Variants in PCDH15 observed in about 807,000 individuals in gnomAD.
PCDH15 encodes protocadherin-15.
PCDH15 carries 129 observed loss-of-function variants against 178.5 expected under a neutral mutation model. The ratio of observed to expected loss-of-function variants is 0.72; its 90% CI spans 0.63 to 0.84. PCDH15 has a LOEUF of 0.84. Ranked by LOEUF, PCDH15 falls within the 40% of genes least tolerant of loss-of-function variation. The probability of loss-of-function intolerance (pLI) is 0.00; values close to 1 mark genes in which losing one functional copy is unlikely to be tolerated. For missense variants in PCDH15, 2,230 were observed against 2,099.9 expected (o/e 1.06, Z -1.21); for synonymous variants, 800 against 732.0 (o/e 1.09, Z -1.50).
chr10:54,747,962 C>A (rs1945687508), intron 1 of PCDH15, among the ~76,000 whole-genome samples: 1 of 152,050 alleles, frequency 6.6e-6, no homozygotes, highest in African/African-American at 2.4e-5. Context: ...CCCGCCACCA[C>A]GCCCGGCTAA....
intron 1 of PCDH15, among the ~76,000 whole-genome samples, chr10:55,305,928 A>G (rs1843411464): frequency 6.6e-6 from 1 of 152,208 alleles, no homozygotes; most frequent in African/African-American, 2.4e-5. Context: ...ATTCTATTTA[A>G]TGAATAATTT....
intron 3 of PCDH15, among the ~76,000 whole-genome samples, chr10:54,896,101 G>A (rs905735813): frequency 2.0e-5 from 3 of 152,004 alleles, no homozygotes; most frequent in African/African-American, 7.2e-5. Flanking sequence ...TGGCCAGGCT[G>A]GTCTCGAACT....
chr10:54,328,049 T>C (rs1218209756), intron 7 of PCDH15, among the ~76,000 whole-genome samples: 1 of 152,016 alleles, frequency 6.6e-6, no homozygotes, highest in East Asian at 1.9e-4. Flanking sequence ...AATGGACAAA[T>C]GTATAATGAT....
At chr10:54,205,539 CTG>C (rs1162365748) in intron 10 of PCDH15, among the ~76,000 whole-genome samples, 6 of 104,952 alleles carry the variant, frequency 5.7e-5, no homozygotes, top group African/African-American at 2.0e-4. Context: ...GGAGGGATGA[CTG>C]TGAATAACCT....
intron 2 of PCDH15, among the ~76,000 whole-genome samples, chr10:55,364,437 A>G (rs1384023069): frequency 6.6e-6 from 1 of 152,144 alleles, no homozygotes; most frequent in Non-Finnish European, 1.5e-5. Context: ...TGAGAAATGT[A>G]CAGTCATTGA....
At chr10:54,004,428 A>AC (rs1417260408) in intron 20 of PCDH15, among the ~76,000 whole-genome samples, 3 of 115,592 alleles carry the variant, frequency 2.6e-5, no homozygotes, top group Non-Finnish European at 5.2e-5. Flanking sequence ...CACACACACC[A>AC]CACAAAGTAT....
In PCDH15 at chr10:54,730,963, A is replaced by C. The variant is rs539044480; in HGVS notation, c.-28-66673T>G. ...GCACAGAAAAGAAAACAATCTAGAA[A>C]GTAAAGAGACAGCCAGAGAATGGAA... On this transcript the variant is annotated intron_variant, in intron 1 of 37. Coordinates refer to ENST00000644397, the MANE Select transcript of PCDH15 (RefSeq NM_001384140.1). 4.6e-5 allele frequency among the ~76,000 whole-genome samples: 7 copies of C among 151,642 alleles called. 1 individual carries two copies. Among genetic ancestry groups the C allele is most frequent in the African/African-American group, 1.7e-4 (7 of 41,500 alleles).
chr10:54,257,346 T>C (rs2056982771), intron 8 of PCDH15, among the ~76,000 whole-genome samples: 1 of 151,816 alleles, frequency 6.6e-6, no homozygotes, highest in Non-Finnish European at 1.5e-5. Context: ...CAGTTTAACA[T>C]ATATTTTATT....
intron 2 of PCDH15, among the ~76,000 whole-genome samples, chr10:55,433,378 A>G (rs1281273576): frequency 6.6e-6 from 1 of 152,152 alleles, no homozygotes; most frequent in Non-Finnish European, 1.5e-5. Flanking sequence ...TTGAATACAC[A>G]TGGACACAAA....
intron 2 of PCDH15, among the ~76,000 whole-genome samples, chr10:54,943,289 T>G (rs1591797746): frequency 6.6e-6 from 1 of 151,938 alleles, no homozygotes; most frequent in African/African-American, 2.4e-5. Context: ...TAATGGTGGG[T>G]CAAATTCTTC....
chr10:54,778,091 CAT>C (rs1949898592), intron 1 of PCDH15, among the ~76,000 whole-genome samples: 1 of 152,172 alleles, frequency 6.6e-6, no homozygotes, highest in Non-Finnish European at 1.5e-5. Flanking sequence ...TTGAAATTGC[CAT>C]ATGCAAGATG....
At chr10:55,093,939 TGGTG>T in intron 2 of PCDH15, among the ~76,000 whole-genome samples, 1 of 152,250 alleles carries the variant, frequency 6.6e-6, no homozygotes, top group East Asian at 1.9e-4. Flanking sequence ...TTTACACTGT[TGGTG>T]GGAGTGTAAA....
chr10:54,813,307 C>T (rs957385289), intron 3 of PCDH15, among the ~76,000 whole-genome samples: 3 of 152,206 alleles, frequency 2.0e-5, no homozygotes, highest in African/African-American at 7.2e-5. Flanking sequence ...CAAGTTTTCA[C>T]CTCCAGTGCA....
chr10:55,369,227 A>G (rs1467058068), intron 2 of PCDH15, among the ~76,000 whole-genome samples: 1 of 151,966 alleles, frequency 6.6e-6, no homozygotes, highest in Non-Finnish European at 1.5e-5. Flanking sequence ...GAAATCCAGC[A>G]TTTCAGCTAA....
chr10:54,650,294 A>G (rs1016598956), intron 2 of PCDH15, among the ~76,000 whole-genome samples: 2 of 152,170 alleles, frequency 1.3e-5, no homozygotes, highest in African/African-American at 4.8e-5. Flanking sequence ...GATTTCCCAC[A>G]TAATAGTTGA....
intron 2 of PCDH15, among the ~76,000 whole-genome samples, chr10:54,914,363 C>T (rs1954867811): frequency 1.3e-5 from 2 of 152,068 alleles, no homozygotes; most frequent in African/African-American, 2.4e-5. Flanking sequence ...GTCAGTTTCC[C>T]CTTCACCTTC....
intron 23 of PCDH15, among the ~76,000 whole-genome samples, chr10:53,942,655 A>C (rs1456487318): frequency 6.6e-6 from 1 of 152,214 alleles, no homozygotes; most frequent in East Asian, 1.9e-4. Flanking sequence ...CGAGGCCCTT[A>C]GTCCAACATC....
chr10:54,192,140 G>A (rs1254298204), intron 11 of PCDH15, among the ~76,000 whole-genome samples: 1 of 76,350 alleles, frequency 1.3e-5, no homozygotes, highest in Non-Finnish European at 2.2e-5. Context: ...AAGAGAAAGA[G>A]AAAGAAAGAA....
chr10:54,151,766 T>C (rs1342196673), intron 14 of PCDH15, among the ~76,000 whole-genome samples: 2 of 152,092 alleles, frequency 1.3e-5, no homozygotes, highest in Non-Finnish European at 2.9e-5. Context: ...TATAAATCTC[T>C]TGTGTTCCTA....
Sources: gnomAD v4.1 joint callset for allele counts (sites outside exome capture counted in the v4.1 genomes callset) on GRCh38, gnomAD v4.1.1 for gene constraint, MANE v1.5 for transcripts, NCBI Gene and HGNC (gene_info 2026-07-23, HGNC 2026-07-21) for gene names.